The following ARID1B variants were observed in gnomAD, a reference collection of about 807,000 sequenced individuals.
The protein encoded by ARID1B is AT-rich interactive domain-containing protein 1B.
A neutral mutation model predicts 212.3 loss-of-function variants in ARID1B; 30 were observed. That is an observed-to-expected ratio of 0.14 (90% CI 0.11 to 0.19). The LOEUF (loss-of-function observed/expected upper bound fraction) is 0.19. Ranked by LOEUF, ARID1B falls within the 10% of genes least tolerant of loss-of-function variation. ARID1B has a pLI of 1.00. For missense variants in ARID1B, 2,891 were observed against 3,204.0 expected, an observed-to-expected ratio of 0.90 and a Z score of 2.36; for synonymous variants, 1,402 against 1,301.7, an observed-to-expected ratio of 1.08 and a Z score of -1.66.
At chr6:157,162,793 A>G (rs1791030311) in intron 8 of ARID1B, among the ~76,000 whole-genome samples, 1 of 152,160 alleles carries the variant, frequency 6.6e-6, no homozygotes, top group Non-Finnish European at 1.5e-5. Context: ...TGGGGTCAAC[A>G]CCACCCAACC....
At chr6:157,007,760 CACTCTGTCA>C (rs1375073040) in intron 4 of ARID1B, among the ~76,000 whole-genome samples, 4 of 146,016 alleles carry the variant, frequency 2.7e-5, no homozygotes, top group African/African-American at 5.1e-5. Flanking sequence ...GACAGAGTCT[CACTCTGTCA>C]CCCAGGCTGG....
At chr6:157,105,596 A>G (rs1021085756) in intron 5 of ARID1B, among the ~76,000 whole-genome samples, 1 of 152,168 alleles carries the variant, frequency 6.6e-6, no homozygotes, top group African/African-American at 2.4e-5. Flanking sequence ...TAAGACTGGT[A>G]ATTTTTTATT....
At chr6:156,873,726 C>T (rs1345584354) in intron 2 of ARID1B, among the ~76,000 whole-genome samples, 1 of 152,188 alleles carries the variant, frequency 6.6e-6, no homozygotes, top group Non-Finnish European at 1.5e-5. Context: ...CGTGGGTTTG[C>T]CTTCTTGTCT....
chr6:157,115,544 A>G (rs1583331880), intron 6 of ARID1B, among the ~76,000 whole-genome samples: 2 of 152,092 alleles, frequency 1.3e-5, no homozygotes, highest in African/African-American at 4.8e-5. Flanking sequence ...CTCCTGCCTC[A>G]GCCTCCCGAG....
At chr6:157,050,084 C>T (rs1022068181) in intron 4 of ARID1B, among the ~76,000 whole-genome samples, 1 of 152,146 alleles carries the variant, frequency 6.6e-6, no homozygotes, top group Non-Finnish European at 1.5e-5. Flanking sequence ...GGGTGTCTCT[C>T]CCTGACTCAG....
chr6:156,778,981 G>C lies in ARID1B; in HGVS notation c.1301G>C (p.Gly434Ala), dbSNP rs1015605215. The C allele has an allele frequency of 2.8e-5, 36 of 1,274,838 alleles. No individual in the cohort carries two copies. The highest frequency in any genetic ancestry group is 1.9e-4 in the South Asian group (6 of 31,758). The allele number at this position is 1,274,838 out of a possible 1,614,324, so 79.0% of individuals were successfully genotyped here. A position where few individuals can be genotyped will look rare whatever the true frequency, so the allele number is the denominator to read the frequency against. ...GCCGCGGCGGCGGCGGCAGCAGCAG[G>C]AGGCGGCGGCGGCGGCGGCTATGGG... ...AAAAAAAAAAGGGGGGGYGGS... is the reference protein window; with the variant it reads ...AAAAAAAAAAAGGGGGGYGGS... The change falls in exon 1 of 20, where the codon GGA becomes GCA. Residue 434 changes from glycine to alanine, a missense_variant. Physicochemically the swap from Gly to Ala is moderately conservative, Grantham distance 60. This residue lies in a region of ARID1B where 1,643 missense variants were observed against 1,544.0 expected (regional missense o/e 1.06). Coordinates refer to ENST00000636930, the MANE Select transcript of ARID1B (RefSeq NM_001374828.1).
intron 3 of ARID1B, among the ~76,000 whole-genome samples, chr6:156,920,880 G>C (rs1267896998): frequency 6.6e-6 from 1 of 150,496 alleles, no homozygotes; most frequent in Non-Finnish European, 1.5e-5. Flanking sequence ...TTTTGACAGA[G>C]TTTCACTCTC....
At chr6:157,043,289 C>T (rs1562572862) in intron 4 of ARID1B, among the ~76,000 whole-genome samples, 1 of 152,082 alleles carries the variant, frequency 6.6e-6, no homozygotes, top group Non-Finnish European at 1.5e-5. Flanking sequence ...TGCTGCATTT[C>T]AAAATCCTGC....
At chr6:157,119,117 G>A (rs1787527862) in intron 6 of ARID1B, among the ~76,000 whole-genome samples, 1 of 151,860 alleles carries the variant, frequency 6.6e-6, no homozygotes, top group Admixed American at 6.6e-5. Context: ...TTTCTCCCCC[G>A]TCTGCCCCAA....
At chr6:156,810,982 G>A (rs774077043) in intron 1 of ARID1B, among the ~76,000 whole-genome samples, 7 of 152,198 alleles carry the variant, frequency 4.6e-5, no homozygotes, top group African/African-American at 9.6e-5. Context: ...CGTAGAGGCT[G>A]TAATCCAGGT....
In ARID1B at chr6:157,208,413, G is replaced by A. The variant is rs1222269517; in HGVS notation, c.*522G>A. 1 of 233,324 alleles carries A rather than the reference G, an allele frequency of 4.3e-6. No homozygotes were observed. Among genetic ancestry groups the A allele is most frequent in the African/African-American group, 2.2e-5 (1 of 45,284 alleles). The allele number at this position is 233,324 out of a possible 1,614,324, so 14.5% of individuals were successfully genotyped here. ...GAAATTTCTACAGATACAGGTATAGGGGCTCAAGGAGGTATGTCGGTCAGT... is the reference window on the plus strand; with the variant it reads ...GAAATTTCTACAGATACAGGTATAGAGGCTCAAGGAGGTATGTCGGTCAGT... On this transcript the variant is annotated 3_prime_UTR_variant, in exon 20 of 20. Transcript: ENST00000636930.
In ARID1B at chr6:156,951,899, G is replaced by C. The variant is rs548429592; in HGVS notation, c.2247+16323G>C. Among the ~76,000 whole-genome samples the C allele has an allele frequency of 5.3e-5, 8 of 152,102 alleles. No individual in the cohort carries two copies. The South Asian group carries it at 1.5e-3, about 28-fold the overall frequency. ...TGCTAAAAAAGTGGTTTCATGTTTG[G>C]GAAAATTATCAAAGGCCTAAATTAG... On this transcript the variant is annotated intron_variant, in intron 4 of 19. Transcript: ENST00000636930.
chr6:157,172,876 A>G (rs1791817527), intron 9 of ARID1B: 1 of 151,860 alleles, frequency 6.6e-6, no homozygotes, highest in South Asian at 2.1e-4. Context: ...CATTTGCAGA[A>G]TGTAGAATGG....
intron 4 of ARID1B, among the ~76,000 whole-genome samples, chr6:157,010,307 T>G (rs1779513072): frequency 6.9e-6 from 1 of 144,582 alleles, no homozygotes; most frequent in Non-Finnish European, 1.5e-5. Context: ...TTTTTTTTGT[T>G]GTTGTTGTTG....
chr6:156,905,382 C>T (rs1021193757), intron 3 of ARID1B, among the ~76,000 whole-genome samples: 1 of 152,082 alleles, frequency 6.6e-6, no homozygotes, highest in African/African-American at 2.4e-5. Context: ...CTGATGAAGT[C>T]AAAGACAGCT....
At chr6:157,083,666 C>T (rs1784774796) in intron 4 of ARID1B, among the ~76,000 whole-genome samples, 1 of 152,092 alleles carries the variant, frequency 6.6e-6, no homozygotes, top group Non-Finnish European at 1.5e-5. Flanking sequence ...TTAATCACTG[C>T]CTCAGAGAGT....
intron 12 of ARID1B, among the ~76,000 whole-genome samples, chr6:157,183,795 A>C (rs1267000288): frequency 1.3e-5 from 2 of 152,164 alleles, no homozygotes; most frequent in Non-Finnish European, 2.9e-5. Flanking sequence ...TGACACCCCA[A>C]GCAGTCTTGG....
In ARID1B at chr6:157,206,493, C is replaced by T. The variant is rs760729997; in HGVS notation, c.5721C>T (p.Phe1907=). ...PKEKPKQASK[F]DKLPIKIVKK... ...AGAAGCCCAAGCAAGCCAGTAAGTT[C>T]GACAAGCTGCCAATAAAGATAGTCA... Residue 1907 remains phenylalanine (F), a synonymous_variant, in exon 20 of 20, where the codon TTC becomes TTT. Transcript: ENST00000636930. The surrounding 1 kb of genome is among the most constrained non-coding windows in gnomAD (Gnocchi z 6.8). The T allele has an allele frequency of 6.2e-6, 10 of 1,613,966 alleles. No homozygotes were observed. Among genetic ancestry groups the T allele is most frequent in the African/African-American group, 4.0e-5 (3 of 74,892 alleles).
chr6:156,853,750 G>A (rs2128112032), intron 2 of ARID1B, among the ~76,000 whole-genome samples: 2 of 152,178 alleles, frequency 1.3e-5, no homozygotes, highest in Middle Eastern at 6.8e-3. Flanking sequence ...TTTTAGTTTT[G>A]TTTTAAGATA....
Sources: allele counts gnomAD v4.1 joint callset (sites outside exome capture counted in the v4.1 genomes callset), GRCh38; gene constraint gnomAD v4.1.1; regional missense constraint gnomAD v4.1.1; non-coding constraint Gnocchi (gnomAD v3.1); transcripts MANE v1.5; gene names NCBI Gene and HGNC (gene_info 2026-07-23, HGNC 2026-07-21).